The following MBP variants were observed in gnomAD, a reference collection of about 807,000 sequenced individuals.
MBP encodes Golli-MBP.
MBP carries 16 observed loss-of-function variants against 35.8 expected under a neutral mutation model. The observed-to-expected ratio is 0.45, with a 90% CI of 0.30 to 0.68. The LOEUF is 0.68. Among genes scored for constraint, MBP ranks in the 30% least tolerant of loss-of-function variants. The pLI, the probability that MBP is intolerant of heterozygous loss-of-function variation, is 0.08. For missense variants in MBP, 380 were observed against 404.7 expected (o/e 0.94, Z 0.52); for synonymous variants, 143 against 159.6 (o/e 0.90, Z 0.78).
intron 4 of MBP, chr18:77,016,402 A>C: frequency 9.9e-7 from 1 of 1,005,402 alleles, no homozygotes; most frequent in Non-Finnish European, 1.2e-6. Flanking sequence ...ACATGAAGCT[A>C]GCAGCACTGA....
intron 1 of MBP, chr18:77,113,857 C>T (rs1976559072): frequency 6.6e-6 from 1 of 152,238 alleles, no homozygotes; most frequent in African/African-American, 2.4e-5. Flanking sequence ...GAAGAACGAC[C>T]TGCAAGCCGG....
intron 8 of MBP, chr18:76,982,646 A>G (rs1472225196): frequency 6.6e-5 from 10 of 152,200 alleles, no homozygotes; most frequent in Non-Finnish European, 1.5e-4. Flanking sequence ...AGCACCAAAA[A>G]GAACAGGAAG....
At chr18:77,048,455 G>A (rs1973344762) in intron 3 of MBP, among the ~76,000 whole-genome samples, 1 of 152,192 alleles carries the variant, frequency 6.6e-6, no homozygotes, top group African/African-American at 2.4e-5. Context: ...AACAATCTCT[G>A]CAGGTAGGAT....
intron 4 of MBP, among the ~76,000 whole-genome samples, chr18:77,002,167 C>T (rs1023486511): frequency 2.6e-5 from 4 of 152,154 alleles, no homozygotes; most frequent in South Asian, 2.1e-4. Flanking sequence ...TCTGGCCTCT[C>T]GTAAACCTGG....
chr18:76,997,601 C>A (rs965674948), intron 4 of MBP, among the ~76,000 whole-genome samples: 1 of 152,340 alleles, frequency 6.6e-6, no homozygotes, highest in Middle Eastern at 3.4e-3. Context: ...GAAGAAAAGC[C>A]CAGGAGCACG....
intron 4 of MBP, chr18:77,014,486 C>T (rs112651420): frequency 1.6e-4 from 161 of 985,470 alleles, no homozygotes; most frequent in African/African-American, 3.5e-4. Context: ...TTCCACTGCT[C>T]GTTTGCACAC....
At chr18:77,104,840 C>A (rs1475574091) in intron 2 of MBP, among the ~76,000 whole-genome samples, 1 of 152,114 alleles carries the variant, frequency 6.6e-6, no homozygotes, top group Non-Finnish European at 1.5e-5. Context: ...GAATGTGGAC[C>A]AAGAGGAAGG....
intron 7 of MBP, chr18:76,986,758 C>T: frequency 1.0e-6 from 1 of 985,498 alleles, no homozygotes; most frequent in Non-Finnish European, 1.2e-6. Flanking sequence ...AGCGTTAAGT[C>T]CTTCTGTCTT....
Position 77,102,665 on chromosome 18 carries a change from A to C in MBP, c.51+2546T>G, listed in dbSNP as rs1976081655. ...AAATCTTACTCTGATAGCATTAAAC[A>C]AATTAAAAACATATGTGGGTGTTTT... On this transcript the variant is annotated intron_variant, in intron 2 of 8. Transcript: ENST00000355994. The surrounding 1 kb of genome is among the most constrained non-coding windows in gnomAD (Gnocchi z 4.4). 6.6e-6 allele frequency among the ~76,000 whole-genome samples: 1 copy of C among 152,272 alleles called. No individual in the cohort carries two copies. Among genetic ancestry groups the C allele is most frequent in the South Asian group, 2.1e-4 (1 of 4,838 alleles).
In MBP at chr18:77,021,413, G is replaced by T. The variant is rs184232539; in HGVS notation, c.140-4145C>A. Among the ~76,000 whole-genome samples the T allele has an allele frequency of 2.6e-5, 4 of 151,814 alleles. No individual in the cohort carries two copies. The East Asian group carries it at 7.7e-4, about 29-fold the overall frequency. ...GCACTATTGACTAAGCCAGATGACA[G>T]CCTGCTAGCCTCCCAGGTGGCTGAC... On this transcript the variant is annotated intron_variant, in intron 3 of 8. Transcript: ENST00000355994.
At chr18:77,089,204 G>A (rs1975400812) in intron 2 of MBP, among the ~76,000 whole-genome samples, 1 of 152,196 alleles carries the variant, frequency 6.6e-6, no homozygotes, top group Non-Finnish European at 1.5e-5. Flanking sequence ...CCATTCCTAG[G>A]TGTGACCCCT....
chr18:77,133,198 C>T (rs935981380), upstream of MBP, among the ~76,000 whole-genome samples: 1 of 152,188 alleles, frequency 6.6e-6, no homozygotes, highest in African/African-American at 2.4e-5. Context: ...GGCGCAGCCC[C>T]GGCCCTGCAG....
intron 3 of MBP, among the ~76,000 whole-genome samples, chr18:77,018,861 CATCT>C (rs1198011331): frequency 7.6e-6 from 1 of 131,384 alleles, no homozygotes; most frequent in Non-Finnish European, 1.6e-5. Context: ...TCCACTCATC[CATCT>C]ATCCATCCAT....
At chr18:77,115,711 TAAAGAA>T (rs988243537) in intron 1 of MBP, 2 of 152,114 alleles carry the variant, frequency 1.3e-5, no homozygotes, top group African/African-American at 4.8e-5. Flanking sequence ...CAGATTGCAA[TAAAGAA>T]AAAGAATGCA....
intron 1 of MBP, among the ~76,000 whole-genome samples, chr18:77,121,704 G>A (rs542017946): frequency 6.6e-6 from 1 of 152,306 alleles, no homozygotes; most frequent in East Asian, 1.9e-4. Flanking sequence ...GCTGTCCACA[G>A]ACGTGCTATG....
In MBP at chr18:77,093,759, G is replaced by A. The variant is rs1475691229; in HGVS notation, c.51+11452C>T. Among the ~76,000 whole-genome samples the A allele has an allele frequency of 2.0e-5, 3 of 152,092 alleles. No individual in the cohort carries two copies. The East Asian group carries it at 5.8e-4, about 29-fold the overall frequency. ...CACAACATTCACAAGAAATTCCCAC[G>A]GGCGGGCGCTGCAACTGCTGGACAC... On this transcript the variant is annotated intron_variant, in intron 2 of 8. Coordinates refer to ENST00000355994, the MANE Select transcript of MBP (RefSeq NM_001025101.2).
At chr18:77,009,838 C>T (rs377339734) in intron 4 of MBP, 19 of 1,571,068 alleles carry the variant, frequency 1.2e-5, no homozygotes, top group Admixed American at 3.7e-5. Context: ...GAGGACCCGC[C>T]GGCGTCTTAC....
intron 4 of MBP, chr18:77,013,963 C>A (rs1205500534): frequency 1.0e-6 from 1 of 985,290 alleles, no homozygotes; most frequent in East Asian, 1.1e-4. Flanking sequence ...CTGGAGAGGT[C>A]ACTTAGAGAG....
At chr18:77,017,399 C>G in intron 3 of MBP, 131 bp from the exon 4 acceptor site, 1 of 799,538 alleles carries the variant, frequency 1.3e-6, no homozygotes, top group Non-Finnish European at 1.8e-6. Context: ...CCTCATAAAG[C>G]CCTTGGCCTA....
Sources: allele counts gnomAD v4.1 joint callset (sites outside exome capture counted in the v4.1 genomes callset), GRCh38; gene constraint gnomAD v4.1.1; non-coding constraint Gnocchi (gnomAD v3.1); transcripts MANE v1.5; gene names NCBI Gene and HGNC (gene_info 2026-07-23, HGNC 2026-07-21).